The following DOCK7 variants were observed in gnomAD, a reference collection of about 807,000 sequenced individuals.
DOCK7 encodes the protein dedicator of cytokinesis 7.
DOCK7 carries 138 observed loss-of-function variants against 271.0 expected under a neutral mutation model. The ratio of observed to expected loss-of-function variants is 0.51; its 90% CI spans 0.44 to 0.59. DOCK7 has a LOEUF of 0.59. DOCK7 is among the 20% of genes least tolerant of loss of function. DOCK7 has a pLI of 0.00. For missense variants in DOCK7, 2,066 were observed against 2,592.4 expected, an observed-to-expected ratio of 0.80 and a Z score of 4.41; for synonymous variants, 823 against 876.1, an observed-to-expected ratio of 0.94 and a Z score of 1.07.
intron 14 of DOCK7, chr1:62,602,336 A>G (rs755182841): frequency 4.4e-5 from 71 of 1,610,872 alleles, no homozygotes; most frequent in Middle Eastern, 3.3e-4. Flanking sequence ...CAAAACTTCA[A>G]TGAAACGTGG....
At chr1:62,457,289 A>G (rs1557570543) in intron 49 of DOCK7, among the ~76,000 whole-genome samples, 1 of 152,200 alleles carries the variant, frequency 6.6e-6, no homozygotes, top group Non-Finnish European at 1.5e-5. Context: ...GAAATGTTCC[A>G]ATATCAGAGA....
intron 27 of DOCK7, among the ~76,000 whole-genome samples, chr1:62,538,905 C>T (rs1645436202): frequency 6.6e-6 from 1 of 152,108 alleles, no homozygotes; most frequent in South Asian, 2.1e-4. Flanking sequence ...TTTAAAGCTC[C>T]TTTAAAAGGT....
intron 16 of DOCK7, among the ~76,000 whole-genome samples, chr1:62,582,652 A>G (rs1453601231): frequency 6.6e-6 from 1 of 151,672 alleles, no homozygotes; most frequent in East Asian, 1.9e-4. Flanking sequence ...ATATGATACA[A>G]TAACATCAAT....
At chr1:62,630,933 C>T (rs1654547570) in intron 11 of DOCK7, among the ~76,000 whole-genome samples, 1 of 151,850 alleles carries the variant, frequency 6.6e-6, no homozygotes, top group African/African-American at 2.4e-5. Context: ...ATCTATAATC[C>T]CAGCATTTTG....
intron 13 of DOCK7, 27 bp downstream of exon 13, chr1:62,619,873 C>T: frequency 6.8e-7 from 1 of 1,466,884 alleles, no homozygotes; most frequent in Non-Finnish European, 9.5e-7. Context: ...ATAGTTGCAA[C>T]CATTTCTACT....
intron 34 of DOCK7, among the ~76,000 whole-genome samples, chr1:62,508,910 T>G (rs1433081204): frequency 6.6e-6 from 1 of 152,172 alleles, no homozygotes; most frequent in African/African-American, 2.4e-5. Flanking sequence ...ATACAGATAC[T>G]ATATATTACA....
intron 18 of DOCK7, among the ~76,000 whole-genome samples, chr1:62,576,450 TGGCTATCAAAAGTGAGTGACA>T (rs1367265049): frequency 1.3e-5 from 2 of 152,188 alleles, no homozygotes; most frequent in Non-Finnish European, 2.9e-5. Flanking sequence ...CTGTGCTATG[TGGCTATCAAAAGTGAGTGACA>T]GAGAACAGTG....
chr1:62,612,428 G>A (rs996891290), intron 14 of DOCK7, among the ~76,000 whole-genome samples: 3 of 152,066 alleles, frequency 2.0e-5, no homozygotes, highest in Non-Finnish European at 4.4e-5. Flanking sequence ...GCTAATACAC[G>A]TGGGGCTTAA....
At chr1:62,589,155 C>T (rs552827430) in intron 14 of DOCK7, among the ~76,000 whole-genome samples, 3 of 152,326 alleles carry the variant, frequency 2.0e-5, no homozygotes, top group South Asian at 4.1e-4. Flanking sequence ...CTACTATTTG[C>T]TTTGCCAGTG....
At chr1:62,503,622 G>A (rs1646850703) in intron 37 of DOCK7, among the ~76,000 whole-genome samples, 1 of 151,684 alleles carries the variant, frequency 6.6e-6, no homozygotes, top group South Asian at 2.1e-4. Context: ...TTATTTTTTT[G>A]TAGAGATAGG....
At position 62,648,667 on chromosome 1, in the gene DOCK7, T is replaced by C. The variant is rs1656970125; in HGVS notation, c.390-123A>G. The stretch of plus-strand genomic sequence containing the variant: ...ATTATTTCTTTATGTAATAAGAATC[T>C]ATTCTAGCAATTTAGGTTAAAGAAA... On this transcript the variant is annotated intron_variant, in intron 4 of 49. Transcript: ENST00000635253. The C allele has an allele frequency of 5.8e-6, 3 of 516,378 alleles. No homozygotes were observed. In the Admixed American group the frequency reaches 1.3e-4, roughly 22 times the overall value. 32.0% of individuals were successfully genotyped at this position (516,378 alleles called of 1,614,324 possible). A position where few individuals can be genotyped will look rare whatever the true frequency, so the allele number is the denominator to read the frequency against.
rs117235091 is a variant in DOCK7 at position 62,524,638 on chromosome 1, C to T, written c.3936+3513G>A. 4.0e-3 allele frequency among the ~76,000 whole-genome samples: 605 copies of T among 152,004 alleles called. 10 individuals carry two copies. The East Asian group carries it at 0.05, about 13-fold the overall frequency. On this transcript the variant is annotated intron_variant, in intron 31 of 49. Coordinates refer to ENST00000635253, the MANE Select transcript of DOCK7 (RefSeq NM_001367561.1). ...TTTGGCAGGACGTGGTGGCTCATAC[C>T]TATGATCCCAGCACTTTGGGAGGCC... is the stretch of plus-strand genomic sequence containing the variant.
At position 62,528,298 on chromosome 1, in the gene DOCK7, G is replaced by T. The variant is rs748056693; in HGVS notation, c.3789C>A (p.His1263Gln). 1.1e-5 allele frequency: 18 copies of T among 1,607,890 alleles called. No individual in the cohort carries two copies. In the East Asian group the frequency reaches 3.1e-4, roughly 28 times the overall value. ...VPQLYDFTET[H>Q]NQRGRPICIA... ...TACAAATTGGTCTTCCTCGTTGATT[G>T]TGAGTTTCTAAAGAAAAATAATCCA... is the stretch of plus-strand genomic sequence containing the variant. Residue 1263 changes from histidine to glutamine, a missense_variant, in exon 31 of 50, where the codon CAC becomes CAA. Around this residue, in one of 2 missense-constraint regions of DOCK7, gnomAD observed 1,414 missense variants for 1,670.4 expected, o/e 0.85. Transcript: ENST00000635253.
chr1:62,517,861 T>G (rs1644712852), intron 31 of DOCK7, among the ~76,000 whole-genome samples: 1 of 152,206 alleles, frequency 6.6e-6, no homozygotes, highest in Non-Finnish European at 1.5e-5. Context: ...GGTATATACC[T>G]TAGCGAAACT....
rs537364086 is a variant in DOCK7 at position 62,672,710 on chromosome 1, C to A, written c.39-9580G>T. 5.9e-5 allele frequency among the ~76,000 whole-genome samples: 9 copies of A among 152,118 alleles called. No homozygotes were observed. The South Asian group carries it at 1.9e-3, about 32-fold the overall frequency. On this transcript the variant is annotated intron_variant, in intron 1 of 49. Transcript: ENST00000635253. The stretch of plus-strand genomic sequence containing the variant: ...TGTATTTCTAAATTCTCTGCAGCAA[C>A]ATTATTTTATAATTAAAAAATAGAT...
intron 14 of DOCK7, among the ~76,000 whole-genome samples, chr1:62,603,130 G>A (rs1331900954): frequency 1.3e-5 from 2 of 151,598 alleles, no homozygotes; most frequent in South Asian, 2.1e-4. Flanking sequence ...GATAAGTTTT[G>A]TAGCTCCAAA....
intron 31 of DOCK7, among the ~76,000 whole-genome samples, chr1:62,523,448 T>C (rs1644910070): frequency 6.6e-6 from 1 of 152,064 alleles, no homozygotes; most frequent in Non-Finnish European, 1.5e-5. Context: ...TAAAATTAAA[T>C]GTAAAAGGAA....
intron 24 of DOCK7, 115 bp from the exon 25 acceptor site, chr1:62,542,818 T>C: frequency 1.1e-6 from 1 of 894,424 alleles, no homozygotes; most frequent in Non-Finnish European, 1.7e-6. Context: ...ATAAGGCACG[T>C]GAACCATTCA....
rs932937006 is a variant in DOCK7, at chr1:62,539,527, T to C, written c.3300+18A>G. On this transcript the variant is annotated intron_variant, in intron 27 of 49. Coordinates refer to ENST00000635253, the MANE Select transcript of DOCK7 (RefSeq NM_001367561.1). ...ATTTAAATTATTTGATTACTAATTATTCCTAACTATGCATTACCTGTTTAT... is the reference window on the plus strand; with the variant it reads ...ATTTAAATTATTTGATTACTAATTACTCCTAACTATGCATTACCTGTTTAT... 2 of 1,556,316 alleles carry C rather than the reference T, an allele frequency of 1.3e-6. No homozygotes were observed. Among genetic ancestry groups the C allele is most frequent in the South Asian group, 1.2e-5 (1 of 85,302 alleles).
Sources: gnomAD v4.1 joint callset for allele counts (sites outside exome capture counted in the v4.1 genomes callset) on GRCh38, gnomAD v4.1.1 for gene constraint, gnomAD v4.1.1 regional missense constraint, MANE v1.5 for transcripts, NCBI Gene and HGNC (gene_info 2026-07-23, HGNC 2026-07-21) for gene names.